ROBO2: variants seen among roughly 807,000 people sequenced by gnomAD.
ROBO2 encodes roundabout guidance receptor 2.
Under a neutral mutation model 160.8 loss-of-function variants are expected in ROBO2, and 53 were observed. The observed-to-expected ratio is 0.33, with a 90% confidence interval of 0.26 to 0.41. The LOEUF is 0.41. ROBO2 is among the 10% of genes least tolerant of loss of function. The probability of loss-of-function intolerance (pLI) is 1.00; values close to 1 mark genes in which losing one functional copy is unlikely to be tolerated. For synonymous variants in ROBO2, 664 were observed against 611.7 expected (o/e 1.09, Z -1.26); for missense variants, 1,577 against 1,722.4 (o/e 0.92, Z 1.49).
At chr3:77,185,836 T>C (rs2081231608) in intron 2 of ROBO2, among the ~76,000 whole-genome samples, 1 of 151,904 alleles carries the variant, frequency 6.6e-6, no homozygotes, top group African/African-American at 2.4e-5. Flanking sequence ...TATGATGGAA[T>C]ACTAGTCAGC....
chr3:76,256,352 T>TCTCA (rs1553689348), intron 2 of ROBO2, among the ~76,000 whole-genome samples: 2 of 69,900 alleles, frequency 2.9e-5, no homozygotes, highest in Non-Finnish European at 5.9e-5. Flanking sequence ...TCTCTCTCTC[T>TCTCA]CACATACACA....
At chr3:77,181,033 A>C (rs1188093926) in intron 2 of ROBO2, among the ~76,000 whole-genome samples, 2 of 152,078 alleles carry the variant, frequency 1.3e-5, no homozygotes, top group Non-Finnish European at 2.9e-5. Context: ...ATTATTACAA[A>C]TTCAAGTAAT....
intron 2 of ROBO2, among the ~76,000 whole-genome samples, chr3:76,741,942 T>C (rs2093808164): frequency 1.3e-5 from 2 of 152,092 alleles, no homozygotes; most frequent in African/African-American, 4.8e-5. Context: ...ATAAGAGTTA[T>C]GTCTATAGTT....
chr3:76,916,521 TA>T (rs2076317989), intron 2 of ROBO2, among the ~76,000 whole-genome samples: 1 of 147,260 alleles, frequency 6.8e-6, no homozygotes, highest in East Asian at 2.1e-4. Flanking sequence ...TTTTTATTGT[TA>T]TTTTTTTGTA....
intron 2 of ROBO2, among the ~76,000 whole-genome samples, chr3:77,331,474 A>G (rs547811860): frequency 6.6e-6 from 1 of 152,296 alleles, no homozygotes; most frequent in African/African-American, 2.4e-5. Context: ...AGAGTGTTGT[A>G]TCAGATTTTA....
chr3:76,165,116 T>C (rs1458784708), intron 2 of ROBO2, among the ~76,000 whole-genome samples: 1 of 152,212 alleles, frequency 6.6e-6, no homozygotes, highest in Admixed American at 6.5e-5. Flanking sequence ...GACGTTGACT[T>C]TTCTCTATCT....
intron 2 of ROBO2, among the ~76,000 whole-genome samples, chr3:75,950,970 A>G (rs1358031140): frequency 8.5e-5 from 13 of 152,112 alleles, no homozygotes; most frequent in Non-Finnish European, 1.0e-4. Context: ...TCTTAAATAT[A>G]TAAATAGCTC....
intron 2 of ROBO2, among the ~76,000 whole-genome samples, chr3:76,761,386 G>T (rs538951588): frequency 6.6e-6 from 1 of 151,614 alleles, no homozygotes; most frequent in Admixed American, 6.6e-5. Flanking sequence ...GTTTGCCTGC[G>T]AGAGTCCCAG....
chr3:77,466,960 C>T (rs2082830692), intron 2 of ROBO2, among the ~76,000 whole-genome samples: 1 of 152,080 alleles, frequency 6.6e-6, no homozygotes, highest in Non-Finnish European at 1.5e-5. Context: ...ACGTTGATAC[C>T]AGGAGAGGCT....
intron 2 of ROBO2, among the ~76,000 whole-genome samples, chr3:76,498,204 A>G (rs868138861): frequency 6.6e-6 from 1 of 152,192 alleles, no homozygotes. Flanking sequence ...TAGGCACAAG[A>G]GTTTGGAAAT....
At chr3:76,630,558 G>T (rs1311047582) in intron 2 of ROBO2, among the ~76,000 whole-genome samples, 3 of 152,150 alleles carry the variant, frequency 2.0e-5, no homozygotes, top group African/African-American at 7.2e-5. Context: ...GTAAAAATTG[G>T]TTTCAGTATA....
At chr3:77,350,587 AC>A (rs1226812964) in intron 2 of ROBO2, among the ~76,000 whole-genome samples, 1 of 152,130 alleles carries the variant, frequency 6.6e-6, no homozygotes, top group Non-Finnish European at 1.5e-5. Flanking sequence ...CGAAGGACAG[AC>A]TTTTTTTTCT....
intron 2 of ROBO2, among the ~76,000 whole-genome samples, chr3:75,943,476 A>T (rs958162970): frequency 1.2e-4 from 18 of 152,122 alleles, no homozygotes; most frequent in African/African-American, 3.9e-4. Context: ...TGGAATTAAG[A>T]TTTCATTTGG....
At chr3:76,579,230 A>T (rs1281222990) in intron 2 of ROBO2, among the ~76,000 whole-genome samples, 1 of 152,194 alleles carries the variant, frequency 6.6e-6, no homozygotes, top group Non-Finnish European at 1.5e-5. Flanking sequence ...TTCTTGCTGG[A>T]ACCATAATAA....
intron 2 of ROBO2, among the ~76,000 whole-genome samples, chr3:77,212,387 G>C (rs1323309259): frequency 1.3e-5 from 2 of 152,038 alleles, no homozygotes; most frequent in Non-Finnish European, 1.5e-5. Flanking sequence ...GTCTCTTATT[G>C]GTGTATAAGA....
chr3:76,544,538 A>G (rs1049246705), intron 2 of ROBO2, among the ~76,000 whole-genome samples: 2 of 152,094 alleles, frequency 1.3e-5, no homozygotes, highest in African/African-American at 4.8e-5. Flanking sequence ...TTCTGCATCT[A>G]TCGCTACACT....
At chr3:76,916,249 T>C (rs77526088) in intron 2 of ROBO2, among the ~76,000 whole-genome samples, 2,463 of 152,322 alleles carry the variant, frequency 0.016, 43 homozygotes, top group African/African-American at 0.054. Context: ...CGAATGAGAC[T>C]TGTTTATGCA....
At chr3:76,972,722 A>G (rs987905124) in intron 2 of ROBO2, among the ~76,000 whole-genome samples, 1 of 152,008 alleles carries the variant, frequency 6.6e-6, no homozygotes, top group African/African-American at 2.4e-5. Flanking sequence ...AGCCAAGCCT[A>G]TTGGTGCACA....
intron 2 of ROBO2, among the ~76,000 whole-genome samples, chr3:77,398,380 T>G (rs2075474763): frequency 6.9e-6 from 1 of 145,214 alleles, no homozygotes; most frequent in African/African-American, 2.7e-5. Flanking sequence ...ACTTTGCCAG[T>G]GATATTGTTT....
Sources: gnomAD v4.1 joint callset for allele counts (sites outside exome capture counted in the v4.1 genomes callset) on GRCh38, gnomAD v4.1.1 for gene constraint, MANE v1.5 for transcripts, NCBI Gene and HGNC (gene_info 2026-07-23, HGNC 2026-07-21) for gene names.